Variants in DERA observed in about 807,000 individuals in gnomAD.
The protein encoded by DERA is deoxyribose-phosphate aldolase.
In DERA, 15 loss-of-function variants were observed where a neutral mutation model predicts 41.1. The observed-to-expected ratio is 0.37, with a 90% CI of 0.24 to 0.56. The LOEUF (loss-of-function observed/expected upper bound fraction) is 0.56. Among genes scored for constraint, DERA ranks in the 20% least tolerant of loss-of-function variants. DERA has a pLI of 0.81. For synonymous variants in DERA, 139 were observed against 137.4 expected (o/e 1.01, Z -0.08); for missense variants, 396 against 403.4 (o/e 0.98, Z 0.16).
intron 5 of DERA, among the ~76,000 whole-genome samples, chr12:15,980,860 C>A (rs945195499): frequency 1.1e-4 from 17 of 152,128 alleles, no homozygotes; most frequent in African/African-American, 7.2e-5. Flanking sequence ...TTCATGTTTT[C>A]TGTGATTGAG....
Position 16,032,578 on chromosome 12 carries a change from C to G in DERA, c.674C>G (p.Thr225Arg), listed in dbSNP as rs749052842. Residue 225 changes from threonine to arginine, a missense_variant, in exon 7 of 9, where the codon ACA becomes AGA. Thr to Arg is a moderately conservative substitution (Grantham distance 71, BLOSUM62 -1). Coordinates refer to ENST00000428559, the MANE Select transcript of DERA (RefSeq NM_015954.4). ...ATTAAGACCTCTACTGGAAAAGAAA[C>G]AGTAAATGCCACCTTCCCGGTAGCT... ...DFIKTSTGKE[T>R]VNATFPVAIV... The G allele has an allele frequency of 3.8e-6, 6 of 1,560,918 alleles. No homozygotes were observed. Among genetic ancestry groups the G allele is most frequent in the Non-Finnish European group, 4.3e-6 (5 of 1,152,976 alleles).
In DERA at chr12:15,966,307, T is replaced by G. The variant is rs977560245; in HGVS notation, c.508+3360T>G. Among the ~76,000 whole-genome samples, 5 of 152,026 alleles carry G rather than the reference T, an allele frequency of 3.3e-5. No homozygotes were observed. Among genetic ancestry groups the G allele is most frequent in the Non-Finnish European group, 7.4e-5 (5 of 68,000 alleles). On this transcript the variant is annotated intron_variant, in intron 5 of 8. Coordinates refer to ENST00000428559, the MANE Select transcript of DERA (RefSeq NM_015954.4). This position sits in a 1 kb window ranked among gnomAD's most constrained non-coding sequence, Gnocchi z 5.1. Reference sequence around the variant, plus strand: ...GGCAAAACCCTATCTCTACTAAATATACAAAGATTCGTTGGGCATGGTGGC... The same window carrying G: ...GGCAAAACCCTATCTCTACTAAATAGACAAAGATTCGTTGGGCATGGTGGC...
chr12:15,915,079 G>A lies in DERA; in HGVS notation c.31+3665G>A, dbSNP rs749892689. On this transcript the variant is annotated intron_variant, in intron 1 of 8. Transcript: ENST00000428559. The surrounding 1 kb of genome is among the most constrained non-coding windows in gnomAD (Gnocchi z 4.8). ...CTGGGTAGTATTACCCTAGGCTGGG[G>A]GTACAAGATAATCAGGGATGGTCAC... 1.3e-5 allele frequency among the ~76,000 whole-genome samples: 2 copies of A among 152,140 alleles called. No homozygotes were observed. The highest frequency in any genetic ancestry group is 2.9e-5 in the Non-Finnish European group (2 of 68,028).
At chr12:15,964,451 T>C (rs191847093) in intron 5 of DERA, among the ~76,000 whole-genome samples, 159 of 152,366 alleles carry the variant, frequency 1.0e-3, no homozygotes, top group Non-Finnish European at 1.6e-3. Context: ...AATATCTTTT[T>C]GTATTTTGTG....
At position 15,996,267 on chromosome 12, in the gene DERA, T is replaced by C. The variant is rs1263141062; in HGVS notation, c.637+13831T>C. On this transcript the variant is annotated intron_variant, in intron 6 of 8. Transcript: ENST00000428559. The surrounding 1 kb of genome is among the most constrained non-coding windows in gnomAD (Gnocchi z 4.7). The stretch of plus-strand genomic sequence containing the variant: ...AAAACATGGGAAAAGAGGAGTGTAT[T>C]AGTTTCTTGGGCTCGCTGTAACAGA... Among the ~76,000 whole-genome samples the C allele has an allele frequency of 6.6e-6, 1 of 151,568 alleles. No individual in the cohort carries two copies. Among genetic ancestry groups the C allele is most frequent in the Non-Finnish European group, 1.5e-5 (1 of 67,940 alleles).
rs1021793893 is a variant in DERA, at chr12:15,924,874, C to G, written c.31+13460C>G. Among the ~76,000 whole-genome samples, 10 of 152,154 alleles carry G rather than the reference C, an allele frequency of 6.6e-5. No individual in the cohort carries two copies. Among genetic ancestry groups the G allele is most frequent in the African/African-American group, 2.4e-4 (10 of 41,432 alleles). On this transcript the variant is annotated intron_variant, in intron 1 of 8. Coordinates refer to ENST00000428559, the MANE Select transcript of DERA (RefSeq NM_015954.4). The surrounding 1 kb of genome is among the most constrained non-coding windows in gnomAD (Gnocchi z 5.0). Reference sequence around the variant, plus strand: ...AATTTCAGCCTTGTGTTTTTATGTTCTAATGCTGCCTTATTAATAGGCTGC... The same window carrying G: ...AATTTCAGCCTTGTGTTTTTATGTTGTAATGCTGCCTTATTAATAGGCTGC...
Position 15,966,133 on chromosome 12 carries a change from AGCACTTTGGGAGGCTGAAACAG to A in DERA, c.508+3201_508+3222del, listed in dbSNP as rs1390688995. Among the ~76,000 whole-genome samples, 1 of 152,162 alleles carries A rather than the reference AGCACTTTGGGAGGCTGAAACAG, an allele frequency of 6.6e-6. No individual in the cohort carries two copies. Among genetic ancestry groups the A allele is most frequent in the African/African-American group, 2.4e-5 (1 of 41,446 alleles). ...TGCGGTGGCTCACACCTGTAATCCC[AGCACTTTGGGAGGCTGAAACAG>A]GCACTTTGGGAGGCCTCATCACCTC... On this transcript the variant is annotated intron_variant, in intron 5 of 8. Transcript: ENST00000428559. This position sits in a 1 kb window ranked among gnomAD's most constrained non-coding sequence, Gnocchi z 5.1.
Position 16,019,898 on chromosome 12 carries a change from G to T in DERA, c.638-12644G>T, listed in dbSNP as rs992104307. ...TGGTGGGAGGGGATTGGATCATGGA[G>T]GTAGATCCTTCATGAATGGCTTTAG... On this transcript the variant is annotated intron_variant, in intron 6 of 8. Transcript: ENST00000428559. This position sits in a 1 kb window ranked among gnomAD's most constrained non-coding sequence, Gnocchi z 4.4. Among the ~76,000 whole-genome samples the T allele has an allele frequency of 6.6e-6, 1 of 152,178 alleles. No homozygotes were observed. The highest frequency in any genetic ancestry group is 1.5e-5 in the Non-Finnish European group (1 of 68,032).
intron 1 of DERA, among the ~76,000 whole-genome samples, chr12:15,920,784 G>A (rs1333550403): frequency 1.3e-5 from 2 of 152,168 alleles, no homozygotes; most frequent in African/African-American, 2.4e-5. Context: ...GCAGTGAGCC[G>A]AGATTGCGCC....
chr12:15,912,731 A>G (rs965818787), intron 1 of DERA, among the ~76,000 whole-genome samples: 1 of 152,222 alleles, frequency 6.6e-6, no homozygotes, highest in Non-Finnish European at 1.5e-5. Flanking sequence ...GCTGTAAATT[A>G]TATGTAACAC....
intron 7 of DERA, among the ~76,000 whole-genome samples, chr12:16,034,361 A>C (rs1296325106): frequency 1.3e-5 from 2 of 152,212 alleles, no homozygotes; most frequent in Non-Finnish European, 1.5e-5. Flanking sequence ...TTAAGTGCTC[A>C]GTGTTCCAGG....
chr12:16,032,858 G>C lies in DERA; in HGVS notation c.750+204G>C, dbSNP rs538234929. ...AACAGAAAGTGAGTTGTGAGTGTGG[G>C]AGTGAGTATGTGTGATCAAGATGTA... On this transcript the variant is annotated intron_variant, in intron 7 of 8. Transcript: ENST00000428559. 4 of 536,114 alleles carry C rather than the reference G, an allele frequency of 7.5e-6. No individual in the cohort carries two copies. In the African/African-American group the frequency reaches 7.8e-5, roughly 10 times the overall value. The allele number at this position is 536,114 out of a possible 1,614,324, so 33.2% of individuals were successfully genotyped here. A position where few individuals can be genotyped will look rare whatever the true frequency, so the allele number is the denominator to read the frequency against.
At chr12:15,955,077 A>G (rs2136145344) in intron 1 of DERA, among the ~76,000 whole-genome samples, 1 of 152,084 alleles carries the variant, frequency 6.6e-6, no homozygotes, top group Non-Finnish European at 1.5e-5. Flanking sequence ...AGGCAGGTAG[A>G]TCACTTGAGG....
chr12:16,032,696 T>A (rs1413090796), intron 7 of DERA, 42 bp downstream of exon 7: 1 of 1,251,366 alleles, frequency 8.0e-7, no homozygotes, highest in Non-Finnish European at 1.1e-6. Context: ...GTAAAGATAA[T>A]GTTATTTATA....
chr12:16,033,581 TTGTGTGTG>T (rs146182174), intron 7 of DERA, among the ~76,000 whole-genome samples: 127 of 127,706 alleles, frequency 9.9e-4, no homozygotes, highest in East Asian at 3.3e-3. Context: ...GAGAGCAAGG[TTGTGTGTG>T]TGTGTGTGTG....
intron 3 of DERA, 36 bp downstream of exon 3, chr12:15,958,371 T>TG: frequency 6.5e-7 from 1 of 1,549,274 alleles, no homozygotes; most frequent in Non-Finnish European, 8.7e-7. Flanking sequence ...TGGTGTTTAG[T>TG]GCTTACAATA....
intron 6 of DERA, among the ~76,000 whole-genome samples, chr12:16,016,230 C>T (rs1274847249): frequency 6.6e-6 from 1 of 152,172 alleles, no homozygotes; most frequent in South Asian, 2.1e-4. Context: ...TGCTCCAAAT[C>T]AGAGCCTTTG....
At chr12:16,007,805 A>T (rs1948922548) in intron 6 of DERA, among the ~76,000 whole-genome samples, 1 of 151,876 alleles carries the variant, frequency 6.6e-6, no homozygotes, top group Admixed American at 6.6e-5. Flanking sequence ...GAAGCTCCTT[A>T]TATTTTCTGT....
chr12:15,971,046 G>A (rs1282849239), intron 5 of DERA, among the ~76,000 whole-genome samples: 1 of 152,180 alleles, frequency 6.6e-6, no homozygotes, highest in Non-Finnish European at 1.5e-5. Flanking sequence ...TGATCACTAT[G>A]ACAGCAGCCC....
Sources: gnomAD v4.1 joint callset for allele counts (sites outside exome capture counted in the v4.1 genomes callset) on GRCh38, gnomAD v4.1.1 for gene constraint, Gnocchi (gnomAD v3.1) non-coding constraint, MANE v1.5 for transcripts, NCBI Gene and HGNC (gene_info 2026-07-23, HGNC 2026-07-21) for gene names.